The following PRKG2 variants were observed in gnomAD, a reference collection of about 807,000 sequenced individuals.
The protein encoded by PRKG2 is cGMP-dependent protein kinase 2.
PRKG2 carries 33 observed loss-of-function variants against 97.2 expected under a neutral mutation model. That is an observed-to-expected ratio of 0.34 (90% CI 0.26 to 0.45). The LOEUF (loss-of-function observed/expected upper bound fraction) is 0.45. Ranked by LOEUF, PRKG2 falls within the 20% of genes least tolerant of loss-of-function variation. The probability of loss-of-function intolerance (pLI) is 1.00; values close to 1 mark genes in which losing one functional copy is unlikely to be tolerated. For missense variants in PRKG2, 638 were observed against 900.0 expected, an observed-to-expected ratio of 0.71 and a Z score of 3.73; for synonymous variants, 330 against 321.8, an observed-to-expected ratio of 1.03 and a Z score of -0.27.
intron 15 of PRKG2, 81 bp from the exon 16 acceptor site, chr4:81,106,016 C>T (rs753092886): frequency 7.6e-6 from 11 of 1,448,366 alleles, no homozygotes; most frequent in Non-Finnish European, 1.0e-5. Flanking sequence ...TTTCTTCCTT[C>T]TTTCCTTCCC....
intron 14 of PRKG2, among the ~76,000 whole-genome samples, chr4:81,132,330 G>A (rs1746262619): frequency 6.6e-6 from 1 of 151,978 alleles, no homozygotes; most frequent in Admixed American, 6.6e-5. Flanking sequence ...AATTCACATT[G>A]CAAATAAAAA....
chr4:81,135,325 A>G (rs1446322071), intron 13 of PRKG2, 29 bp from the exon 14 acceptor site: 1 of 1,605,582 alleles, frequency 6.2e-7, no homozygotes, highest in Non-Finnish European at 8.5e-7. Context: ...CCCTCTTAAT[A>G]CTTTGGATAC....
At position 81,103,100 on chromosome 4, in the gene PRKG2, A is replaced by G. The variant is rs553532052; in HGVS notation, c.2126+1270T>C. On this transcript the variant is annotated intron_variant, in intron 17 of 18. Transcript: ENST00000264399. ...GTAGTTATCCAAGCACTGATTTAAC[A>G]AGCCAAAACCTGAAGGTTTGAACCG... Among the ~76,000 whole-genome samples the G allele has an allele frequency of 7.2e-5, 11 of 152,374 alleles. No individual in the cohort carries two copies. The South Asian group carries it at 2.1e-3, about 29-fold the overall frequency.
In PRKG2 at chr4:81,188,446, C is replaced by A. The variant is rs1325378225; in HGVS notation, c.462-13487G>T. On this transcript the variant is annotated intron_variant, in intron 2 of 18. Transcript: ENST00000264399. ...GGTGGGACTGTAAACTAGTTCAACC[C>A]CTGTGGAAGTCAGTGTGGTGATTCC... Among the ~76,000 whole-genome samples, 896 of 143,480 alleles carry A rather than the reference C, an allele frequency of 6.2e-3. 8 individuals carry two copies. The highest frequency in any genetic ancestry group is 6.8e-3 in the Non-Finnish European group (464 of 67,768). 94.1% of individuals were successfully genotyped at this position (143,480 alleles called of 152,430 possible).
chr4:81,211,358 T>C (rs1371006522), intron 1 of PRKG2, among the ~76,000 whole-genome samples: 2 of 152,136 alleles, frequency 1.3e-5, no homozygotes, highest in African/African-American at 2.4e-5. Flanking sequence ...AGAAAGTCTA[T>C]TAGTTTAAGA....
At chr4:81,161,807 A>T (rs561848134) in intron 6 of PRKG2, among the ~76,000 whole-genome samples, 1 of 152,238 alleles carries the variant, frequency 6.6e-6, no homozygotes, top group African/African-American at 2.4e-5. Flanking sequence ...TCAATAGTTC[A>T]TTCACCTAGC....
intron 17 of PRKG2, 52 bp from the exon 18 acceptor site, chr4:81,092,504 G>GGAAGGAAA: frequency 9.4e-7 from 1 of 1,059,302 alleles, no homozygotes; most frequent in Admixed American, 2.2e-5. Context: ...AAGGAAGGAA[G>GGAAGGAAA]GAAGGAAGGG....
At chr4:81,203,380 A>G (rs1376565202) in intron 2 of PRKG2, among the ~76,000 whole-genome samples, 1 of 152,128 alleles carries the variant, frequency 6.6e-6, no homozygotes, top group East Asian at 1.9e-4. Flanking sequence ...ATCATTCACT[A>G]TGCTTCCAGT....
At chr4:81,145,677 C>T (rs947439027) in intron 9 of PRKG2, among the ~76,000 whole-genome samples, 2 of 152,162 alleles carry the variant, frequency 1.3e-5, no homozygotes, top group African/African-American at 2.4e-5. Context: ...ACTTCCAATG[C>T]TTCCCTGCTT....
At chr4:81,204,544 A>T in intron 2 of PRKG2, 43 bp downstream of exon 2, 2 of 1,527,786 alleles carry the variant, frequency 1.3e-6, no homozygotes, top group Non-Finnish European at 1.8e-6. Flanking sequence ...ATATTTCACA[A>T]TATTAAGCCC....
Position 81,110,701 on chromosome 4 carries a change from AC to A in PRKG2, c.1777-91del, listed in dbSNP as rs1024639894. ...CTCTTACCTCTGAAATCTGCTTTCT[AC>A]ACCCCACCCTTCTTTTTATACCATG... is the stretch of plus-strand genomic sequence containing the variant. On this transcript the variant is annotated intron_variant, in intron 14 of 18. Coordinates refer to ENST00000264399, the MANE Select transcript of PRKG2 (RefSeq NM_006259.3). 3.0e-5 allele frequency: 41 copies of A among 1,346,750 alleles called. No homozygotes were observed. The Middle Eastern group carries it at 7.6e-4, about 25-fold the overall frequency. The allele number at this position is 1,346,750 out of a possible 1,614,324, so 83.4% of individuals were successfully genotyped here. A position where few individuals can be genotyped will look rare whatever the true frequency, so the allele number is the denominator to read the frequency against.
intron 14 of PRKG2, among the ~76,000 whole-genome samples, chr4:81,131,462 T>C (rs1358815136): frequency 6.6e-6 from 1 of 152,254 alleles, no homozygotes; most frequent in Non-Finnish European, 1.5e-5. Flanking sequence ...ATGCTGACCA[T>C]TTTAAAAAAT....
chr4:81,094,309 A>T (rs1184671180), intron 17 of PRKG2, among the ~76,000 whole-genome samples: 2 of 152,120 alleles, frequency 1.3e-5, no homozygotes, highest in Non-Finnish European at 2.9e-5. Context: ...ATACAACTGT[A>T]TTGTTTTTAA....
At chr4:81,159,925 C>T (rs894035781) in intron 6 of PRKG2, among the ~76,000 whole-genome samples, 1 of 130,630 alleles carries the variant, frequency 7.7e-6, no homozygotes, top group Non-Finnish European at 1.5e-5. Flanking sequence ...CACATGGACA[C>T]AGGAAGGGGA....
chr4:81,212,478 C>T (rs571798750), intron 1 of PRKG2, among the ~76,000 whole-genome samples: 1 of 152,120 alleles, frequency 6.6e-6, no homozygotes, highest in African/African-American at 2.4e-5. Context: ...AGAAGAAAGA[C>T]GATGAGGATT....
At position 81,169,647 on chromosome 4, in the gene PRKG2, A is replaced by G. The variant is rs760379221; in HGVS notation, c.848+16T>C. 2 of 1,527,872 alleles carry G rather than the reference A, an allele frequency of 1.3e-6. No homozygotes were observed. Among genetic ancestry groups the G allele is most frequent in the East Asian group, 4.5e-5 (2 of 44,036 alleles). 94.6% of individuals were successfully genotyped at this position (1,527,872 alleles called of 1,614,324 possible). ...GACTCCACTGTCTTCACTGTCTCCC[A>G]ATGTATTATTCTTACCTTCTGAGGA... On this transcript the variant is annotated intron_variant, in intron 5 of 18. Coordinates refer to ENST00000264399, the MANE Select transcript of PRKG2 (RefSeq NM_006259.3).
chr4:81,170,590 A>T (rs1192740163), intron 4 of PRKG2, among the ~76,000 whole-genome samples: 2 of 152,090 alleles, frequency 1.3e-5, no homozygotes, highest in Non-Finnish European at 2.9e-5. Context: ...AGAGACCCAA[A>T]ATCTGCATTT....
At chr4:81,177,476 C>T (rs992158063) in intron 2 of PRKG2, among the ~76,000 whole-genome samples, 15 of 152,074 alleles carry the variant, frequency 9.9e-5, no homozygotes, top group Non-Finnish European at 1.9e-4. Context: ...GAGGCCGAGG[C>T]GGGCAGATCA....
At chr4:81,175,577 A>ATT (rs1433218276) in intron 2 of PRKG2, 6 of 152,270 alleles carry the variant, frequency 3.9e-5, no homozygotes, top group African/African-American at 1.4e-4. Flanking sequence ...TAAGGGAGAA[A>ATT]GCCTTTGGGG....
Sources: gnomAD v4.1 joint callset for allele counts (sites outside exome capture counted in the v4.1 genomes callset) on GRCh38, gnomAD v4.1.1 for gene constraint, MANE v1.5 for transcripts, NCBI Gene and HGNC (gene_info 2026-07-23, HGNC 2026-07-21) for gene names.